KHDRBS2: variants seen among roughly 807,000 people sequenced by gnomAD.
The protein encoded by KHDRBS2 is KH RNA binding domain containing, signal transduction associated 2, also known as KH domain-containing, RNA-binding, signal transduction-associated protein 2.
A neutral mutation model predicts 44.3 loss-of-function variants in KHDRBS2; 26 were observed. The ratio of observed to expected loss-of-function variants is 0.59; its 90% CI spans 0.43 to 0.81. The LOEUF (loss-of-function observed/expected upper bound fraction) is 0.81. Among genes scored for constraint, KHDRBS2 ranks in the 40% least tolerant of loss-of-function variants. The pLI is 0.00. For synonymous variants in KHDRBS2, 194 were observed against 151.1 expected, an observed-to-expected ratio of 1.28 and a Z score of -2.08; for missense variants, 476 against 433.1, an observed-to-expected ratio of 1.10 and a Z score of -0.88.
chr6:61,775,061 T>G (rs1436575142), intron 6 of KHDRBS2, among the ~76,000 whole-genome samples: 2 of 152,142 alleles, frequency 1.3e-5, no homozygotes, highest in Admixed American at 6.6e-5. Flanking sequence ...TCTCAAGAGA[T>G]GCAGAAAAGA....
At chr6:61,608,188 T>A in the KHDRBS2 span, among the ~76,000 whole-genome samples, 1 of 152,142 alleles carries the variant, frequency 6.6e-6, no homozygotes, top group Admixed American at 6.6e-5. Context: ...TTATGAATTA[T>A]CAAAGCATAT....
chr6:62,001,746 A>G (rs1778275107), intron 3 of KHDRBS2, among the ~76,000 whole-genome samples: 1 of 152,160 alleles, frequency 6.6e-6, no homozygotes, highest in Admixed American at 6.6e-5. Flanking sequence ...GTCTGCAAAC[A>G]TTAATGATAC....
intron 1 of KHDRBS2, among the ~76,000 whole-genome samples, chr6:62,218,079 G>GA (rs1415988039): frequency 4.0e-5 from 6 of 151,840 alleles, no homozygotes; most frequent in Non-Finnish European, 8.8e-5. Context: ...AACACGGGAA[G>GA]AGACAACAAA....
intron 3 of KHDRBS2, among the ~76,000 whole-genome samples, chr6:62,027,191 G>T (rs767420305): frequency 6.6e-6 from 1 of 151,980 alleles, no homozygotes; most frequent in Non-Finnish European, 1.5e-5. Context: ...GATTGTAGTG[G>T]TCTTTGTGGG....
intron 6 of KHDRBS2, among the ~76,000 whole-genome samples, chr6:61,876,835 G>C (rs1799477250): frequency 1.3e-5 from 2 of 151,952 alleles, no homozygotes; most frequent in African/African-American, 2.4e-5. Flanking sequence ...AAGTGGCCTT[G>C]GGTAATTTAA....
chr6:62,076,630 T>G (rs1249244925), intron 2 of KHDRBS2, among the ~76,000 whole-genome samples: 1 of 152,048 alleles, frequency 6.6e-6, no homozygotes, highest in Non-Finnish European at 1.5e-5. Context: ...TTGATGTCAT[T>G]TAGCAAATAA....
At chr6:61,920,440 T>C (rs1261728712) in intron 4 of KHDRBS2, among the ~76,000 whole-genome samples, 1 of 151,942 alleles carries the variant, frequency 6.6e-6, no homozygotes, top group African/African-American at 2.4e-5. Context: ...GATTACAGAA[T>C]TGCCTACTCT....
chr6:61,779,651 A>G (rs1426486091), intron 6 of KHDRBS2, among the ~76,000 whole-genome samples: 2 of 136,102 alleles, frequency 1.5e-5, no homozygotes, highest in African/African-American at 5.8e-5. Context: ...ATTAGAAAAT[A>G]TGGCACTGCA....
chr6:61,813,669 T>C (rs1788468222), intron 6 of KHDRBS2, among the ~76,000 whole-genome samples: 2 of 152,192 alleles, frequency 1.3e-5, no homozygotes, highest in Admixed American at 1.3e-4. Flanking sequence ...TTGCATAGTG[T>C]AGTTTCCATT....
the KHDRBS2 span, among the ~76,000 whole-genome samples, chr6:61,590,701 T>A: frequency 2.0e-5 from 3 of 152,172 alleles, no homozygotes; most frequent in African/African-American, 7.2e-5. Flanking sequence ...TAAAGTACAG[T>A]CTATAAGCCA....
At chr6:62,201,392 A>G (rs897845878) in intron 1 of KHDRBS2, among the ~76,000 whole-genome samples, 3 of 152,138 alleles carry the variant, frequency 2.0e-5, no homozygotes, top group African/African-American at 7.2e-5. Flanking sequence ...GGGGCTGTGA[A>G]TCATTTAACA....
chr6:61,848,661 A>C (rs1180898900), intron 6 of KHDRBS2, among the ~76,000 whole-genome samples: 1 of 142,300 alleles, frequency 7.0e-6, no homozygotes, highest in Non-Finnish European at 1.5e-5. Context: ...CTATATCTCA[A>C]CTGATCTCTC....
chr6:61,955,753 C>G (rs923670763), intron 4 of KHDRBS2, among the ~76,000 whole-genome samples: 96 of 150,762 alleles, frequency 6.4e-4, no homozygotes, highest in Non-Finnish European at 1.2e-3. Flanking sequence ...GGTAGACAGA[C>G]AGAGAGAGAG....
chr6:62,231,172 CA>C (rs1470387082), intron 1 of KHDRBS2, among the ~76,000 whole-genome samples: 2 of 152,130 alleles, frequency 1.3e-5, no homozygotes, highest in Non-Finnish European at 2.9e-5. Flanking sequence ...TCCAAATGTA[CA>C]CACAAACGTA....
chr6:61,586,384 T>G, the KHDRBS2 span, among the ~76,000 whole-genome samples: 23 of 152,180 alleles, frequency 1.5e-4, no homozygotes, highest in Non-Finnish European at 5.9e-5. Flanking sequence ...GATTGATTTT[T>G]GGGAAGAATA....
chr6:61,999,529 G>A (rs1326338025), intron 3 of KHDRBS2, among the ~76,000 whole-genome samples: 1 of 151,980 alleles, frequency 6.6e-6, no homozygotes, highest in Non-Finnish European at 1.5e-5. Flanking sequence ...GATGTGTTAT[G>A]GCACATACCT....
the KHDRBS2 span, among the ~76,000 whole-genome samples, chr6:61,634,335 A>T: frequency 6.6e-6 from 1 of 151,922 alleles, no homozygotes; most frequent in African/African-American, 2.4e-5. Context: ...AGCCACAAGG[A>T]CAGAAATAAT....
intron 2 of KHDRBS2, among the ~76,000 whole-genome samples, chr6:62,078,072 G>T (rs1450224287): frequency 1.3e-5 from 2 of 152,000 alleles, no homozygotes; most frequent in East Asian, 1.9e-4. Flanking sequence ...TTTAATAAAT[G>T]TTGCTGGCTA....
At chr6:62,277,621 C>T (rs145127552) in intron 1 of KHDRBS2, among the ~76,000 whole-genome samples, 2,289 of 152,240 alleles carry the variant, frequency 0.015, 25 homozygotes, top group Middle Eastern at 0.078. Flanking sequence ...GGATTACAAG[C>T]GTGAGCCACT....
Sources: allele counts gnomAD v4.1 joint callset (sites outside exome capture counted in the v4.1 genomes callset), GRCh38; gene constraint gnomAD v4.1.1; transcripts MANE v1.5; gene names NCBI Gene and HGNC (gene_info 2026-07-23, HGNC 2026-07-21).